Variants in PTPRO observed in about 807,000 individuals in gnomAD.
PTPRO encodes the protein protein tyrosine phosphatase receptor type O, also known as receptor-type tyrosine-protein phosphatase O.
Under a neutral mutation model 145.2 loss-of-function variants are expected in PTPRO, and 62 were observed. That is an observed-to-expected ratio of 0.43 (90% confidence interval 0.35 to 0.53). The LOEUF (loss-of-function observed/expected upper bound fraction) is 0.53, where lower values mean the gene tolerates loss of function less well. PTPRO is among the 20% of genes least tolerant of loss of function. PTPRO has a pLI of 0.01. For missense variants in PTPRO, 1,345 were observed against 1,482.7 expected, an observed-to-expected ratio of 0.91 and a Z score of 1.53; for synonymous variants, 565 against 514.7, an observed-to-expected ratio of 1.10 and a Z score of -1.32.
chr12:15,535,853 T>C (rs1462651029), intron 12 of PTPRO, among the ~76,000 whole-genome samples: 2 of 152,208 alleles, frequency 1.3e-5, no homozygotes, highest in African/African-American at 4.8e-5. Flanking sequence ...TACAAACCTT[T>C]ATAGAGATTA....
intron 1 of PTPRO, among the ~76,000 whole-genome samples, chr12:15,420,846 C>T (rs760270691): frequency 2.0e-5 from 3 of 152,112 alleles, no homozygotes; most frequent in Non-Finnish European, 4.4e-5. Context: ...TTCTACCTCA[C>T]GGGGCGTTTG....
At chr12:15,407,063 A>C (rs1000357471) in intron 1 of PTPRO, among the ~76,000 whole-genome samples, 1 of 152,198 alleles carries the variant, frequency 6.6e-6, no homozygotes, top group Non-Finnish European at 1.5e-5. Flanking sequence ...TAATTCAGTC[A>C]CAATCTCAGT....
At chr12:15,378,184 G>A (rs1279049890) in intron 1 of PTPRO, among the ~76,000 whole-genome samples, 1 of 151,556 alleles carries the variant, frequency 6.6e-6, no homozygotes, top group Non-Finnish European at 1.5e-5. Context: ...TAAAAAAACA[G>A]AGAAAAATCA....
chr12:15,344,576 A>G (rs1393883070), intron 1 of PTPRO, among the ~76,000 whole-genome samples: 1 of 152,240 alleles, frequency 6.6e-6, no homozygotes, highest in East Asian at 1.9e-4. Context: ...AAACTTTTAT[A>G]TATGTTCTCT....
intron 16 of PTPRO, 104 bp from the exon 17 acceptor site, chr12:15,560,089 T>G (rs998317513): frequency 6.0e-6 from 5 of 829,852 alleles, no homozygotes; most frequent in Non-Finnish European, 1.0e-5. Context: ...GCTTGTCATA[T>G]TAATTAATCC....
rs777209412 is a variant in PTPRO, at chr12:15,551,657, T to C, written c.2544T>C (p.His848=). Residue 848 remains histidine (H), a synonymous_variant, in exon 15 of 27, where the codon CAT becomes CAC. Transcript: ENST00000281171. ...CCCTCATTATTCTTAGGAAAAAGCA[T>C]CTGCAGATGGCTAGGTAAGTTAAGT... is the stretch of plus-strand genomic sequence containing the variant. ...LVTLIILRKK[H]LQMARECGAG... The C allele has an allele frequency of 2.5e-6, 4 of 1,613,596 alleles. No individual in the cohort carries two copies. The highest frequency in any genetic ancestry group is 3.4e-6 in the Non-Finnish European group (4 of 1,179,694).
At chr12:15,536,049 T>TC (rs1943059379) in intron 12 of PTPRO, among the ~76,000 whole-genome samples, 1 of 137,596 alleles carries the variant, frequency 7.3e-6, no homozygotes, top group Non-Finnish European at 1.6e-5. Flanking sequence ...GTCTTATACT[T>TC]TTTTAAAAAA....
chr12:15,383,511 G>A (rs1356331889), intron 1 of PTPRO, among the ~76,000 whole-genome samples: 1 of 152,144 alleles, frequency 6.6e-6, no homozygotes, highest in Non-Finnish European at 1.5e-5. Flanking sequence ...AATATTTGAA[G>A]AGGTTGATTC....
At chr12:15,487,058 G>C (rs369464674) in intron 2 of PTPRO, among the ~76,000 whole-genome samples, 22 of 152,058 alleles carry the variant, frequency 1.4e-4, no homozygotes, top group African/African-American at 5.1e-4. Flanking sequence ...TCAGTATGCA[G>C]CAAGCCCTGA....
At chr12:15,476,124 A>G (rs958953517) in intron 1 of PTPRO, among the ~76,000 whole-genome samples, 3 of 152,150 alleles carry the variant, frequency 2.0e-5, no homozygotes, top group Admixed American at 6.5e-5. Context: ...CGGGTGCTCT[A>G]GTTGATTGGG....
intron 1 of PTPRO, among the ~76,000 whole-genome samples, chr12:15,404,188 CA>C (rs370733389): frequency 0.13 from 6,671 of 50,132 alleles, 77 homozygotes; most frequent in South Asian, 0.15. Flanking sequence ...GACCCCATCT[CA>C]AAAAAAAAAA....
At chr12:15,444,264 A>G (rs1940845211) in intron 1 of PTPRO, among the ~76,000 whole-genome samples, 1 of 152,118 alleles carries the variant, frequency 6.6e-6, no homozygotes, top group Non-Finnish European at 1.5e-5. Context: ...ATTCTCACTT[A>G]TAAGTGGCAG....
intron 1 of PTPRO, among the ~76,000 whole-genome samples, chr12:15,324,112 T>G (rs1005628100): frequency 6.6e-6 from 1 of 152,196 alleles, no homozygotes; most frequent in Non-Finnish European, 1.5e-5. Flanking sequence ...TTCATACACA[T>G]CATAAATGCA....
At chr12:15,432,425 G>A (rs1272251845) in intron 1 of PTPRO, among the ~76,000 whole-genome samples, 1 of 152,140 alleles carries the variant, frequency 6.6e-6, no homozygotes, top group East Asian at 1.9e-4. Flanking sequence ...TAGGTTGATT[G>A]TATGTCTTTG....
At chr12:15,465,359 T>C (rs1013544019) in intron 1 of PTPRO, among the ~76,000 whole-genome samples, 3 of 152,266 alleles carry the variant, frequency 2.0e-5, no homozygotes, top group Non-Finnish European at 4.4e-5. Flanking sequence ...ATGTTCTAGC[T>C]ATATTCTGTT....
rs1295868526 is a variant in PTPRO, at chr12:15,337,940, A to C, written c.75+15139A>C. 3.9e-5 allele frequency among the ~76,000 whole-genome samples: 6 copies of C among 152,338 alleles called. No homozygotes were observed. In the East Asian group the frequency reaches 9.6e-4, roughly 24 times the overall value. On this transcript the variant is annotated intron_variant, in intron 1 of 26. Coordinates refer to ENST00000281171, the MANE Select transcript of PTPRO (RefSeq NM_030667.3). ...CATGTGGCTAAAAGGGGCTAACATG[A>C]GGAAGCCTTGAAATAATGAAACAGT...
At chr12:15,531,560 T>C (rs1172048051) in intron 12 of PTPRO, among the ~76,000 whole-genome samples, 1 of 152,108 alleles carries the variant, frequency 6.6e-6, no homozygotes, top group Non-Finnish European at 1.5e-5. Context: ...CATTCAAAAA[T>C]TGACCATTTA....
intron 1 of PTPRO, among the ~76,000 whole-genome samples, chr12:15,461,335 A>G (rs1368998480): frequency 3.3e-5 from 5 of 152,128 alleles, no homozygotes; most frequent in Admixed American, 3.3e-4. Context: ...TCTTAAATGT[A>G]TTTGATTGAA....
At chr12:15,561,560 T>C (rs1943773285) in intron 17 of PTPRO, among the ~76,000 whole-genome samples, 2 of 152,116 alleles carry the variant, frequency 1.3e-5, no homozygotes, top group South Asian at 2.1e-4. Context: ...TTCACTGTTA[T>C]TCTAAGTTCA....
Sources: allele counts gnomAD v4.1 joint callset (sites outside exome capture counted in the v4.1 genomes callset), GRCh38; gene constraint gnomAD v4.1.1; transcripts MANE v1.5; gene names NCBI Gene and HGNC (gene_info 2026-07-23, HGNC 2026-07-21).